The following MSR1 variants were observed in gnomAD, a reference collection of about 807,000 sequenced individuals.
MSR1 encodes the protein macrophage scavenger receptor types I and II.
A neutral mutation model predicts 47.2 loss-of-function variants in MSR1; 53 were observed. The observed-to-expected ratio is 1.12, with a 90% CI of 0.90 to 1.41. The LOEUF is 1.41. Among genes scored for constraint, MSR1 ranks in the 40% most tolerant of loss-of-function variants. The probability of loss-of-function intolerance (pLI) is 0.00; values close to 1 mark genes in which losing one functional copy is unlikely to be tolerated. For missense variants in MSR1, 786 were observed against 546.9 expected (o/e 1.44, Z -4.36); for synonymous variants, 239 against 185.6 (o/e 1.29, Z -2.34).
intron 5 of MSR1, among the ~76,000 whole-genome samples, chr8:16,161,565 A>T (rs1801164592): frequency 6.6e-6 from 1 of 151,998 alleles, no homozygotes; most frequent in South Asian, 2.1e-4. Flanking sequence ...GCAACATCAC[A>T]ATCCAAGAAA....
chr8:16,128,893 ATGTT>A (rs1351739580), intron 8 of MSR1, among the ~76,000 whole-genome samples: 1 of 152,108 alleles, frequency 6.6e-6, no homozygotes, highest in Admixed American at 6.6e-5. Flanking sequence ...TAATAATAAT[ATGTT>A]TGTTAGCTTA....
At chr8:16,111,866 G>A (rs568786936) in intron 9 of MSR1, among the ~76,000 whole-genome samples, 10 of 152,236 alleles carry the variant, frequency 6.6e-5, no homozygotes, top group East Asian at 1.9e-4. Flanking sequence ...GCTCAAAGTC[G>A]CACAGGATTC....
chr8:16,151,370 G>A (rs74352114), intron 6 of MSR1, among the ~76,000 whole-genome samples: 1 of 152,130 alleles, frequency 6.6e-6, no homozygotes, highest in Non-Finnish European at 1.5e-5. Flanking sequence ...TGAAGCATAT[G>A]AGATACTTTC....
At chr8:16,150,202 T>C in intron 7 of MSR1, 29 bp downstream of exon 7, 1 of 1,086,432 alleles carries the variant, frequency 9.2e-7, no homozygotes, top group African/African-American at 1.6e-5. Context: ...CTACATATTC[T>C]ATAAAGAAAA....
chr8:16,139,141 T>A (rs1407819393), intron 8 of MSR1, among the ~76,000 whole-genome samples: 2 of 152,220 alleles, frequency 1.3e-5, no homozygotes, highest in Non-Finnish European at 2.9e-5. Flanking sequence ...CATTGCTCTA[T>A]CTAATATAAA....
chr8:16,164,109 T>G lies in MSR1; in HGVS notation c.773A>C (p.Asp258Ala), dbSNP rs375924187. The change falls in exon 5 of 10, where the codon GAT (aspartate) becomes GCT (alanine). Residue 258 changes from aspartate (D) to alanine (A), a missense_variant. Physicochemically the swap from Asp to Ala is moderately radical, Grantham distance 126. Transcript: ENST00000262101. ...TCTCAAGGTCTGAGAATGTTCCCAA[T>G]CTTTCAGTCTGAGATCATTAGTGAT... ...NNITNDLRLK[D>A]WEHSQTLRNI... 3.1e-6 allele frequency: 5 copies of G among 1,611,090 alleles called. No individual in the cohort carries two copies. The highest frequency in any genetic ancestry group is 4.2e-6 in the Non-Finnish European group (5 of 1,178,188).
intron 6 of MSR1, among the ~76,000 whole-genome samples, chr8:16,153,882 A>C: frequency 6.6e-6 from 1 of 152,128 alleles, no homozygotes; most frequent in Middle Eastern, 3.4e-3. Flanking sequence ...GATTAGCATT[A>C]GTCAAGTAGA....
At chr8:16,111,037 C>G (rs773865456) in intron 9 of MSR1, among the ~76,000 whole-genome samples, 17 of 152,032 alleles carry the variant, frequency 1.1e-4, no homozygotes, top group Non-Finnish European at 1.9e-4. Flanking sequence ...GCCAGGGACA[C>G]TTTTTAGTTC....
At chr8:16,156,569 T>C (rs934407574) in intron 5 of MSR1, among the ~76,000 whole-genome samples, 5 of 151,952 alleles carry the variant, frequency 3.3e-5, no homozygotes, top group South Asian at 4.2e-4. Context: ...ACACATTTAA[T>C]TGTATTTTTA....
At chr8:16,156,350 G>A (rs1385150929) in intron 5 of MSR1, among the ~76,000 whole-genome samples, 2 of 151,708 alleles carry the variant, frequency 1.3e-5, no homozygotes, top group Non-Finnish European at 2.9e-5. Context: ...ATCTAAGAGG[G>A]GGAACCACAT....
chr8:16,127,244 G>C (rs78026117), intron 8 of MSR1, among the ~76,000 whole-genome samples: 1 of 151,992 alleles, frequency 6.6e-6, no homozygotes, highest in Non-Finnish European at 1.5e-5. Flanking sequence ...AAAGCCTCAC[G>C]AGTCATTCTG....
chr8:16,164,705 G>C (rs912578099), intron 4 of MSR1, among the ~76,000 whole-genome samples: 1 of 151,940 alleles, frequency 6.6e-6, no homozygotes, highest in African/African-American at 2.4e-5. Context: ...ATCCTCAGTG[G>C]TGATGATCAT....
At chr8:16,162,473 G>A (rs1272441470) in intron 5 of MSR1, among the ~76,000 whole-genome samples, 12 of 151,974 alleles carry the variant, frequency 7.9e-5, no homozygotes, top group East Asian at 7.7e-4. Context: ...AAATTCATGC[G>A]CAAATTTAAA....
intron 8 of MSR1, chr8:16,139,466 C>T: frequency 1.0e-6 from 1 of 980,834 alleles, no homozygotes; most frequent in Non-Finnish European, 1.2e-6. Flanking sequence ...AGAGGCATAC[C>T]ATCTAGAGTT....
intron 8 of MSR1, among the ~76,000 whole-genome samples, chr8:16,129,266 T>C (rs1283754009): frequency 6.6e-6 from 1 of 152,120 alleles, no homozygotes; most frequent in Non-Finnish European, 1.5e-5. Flanking sequence ...GTCCCTAAAA[T>C]ACCTGAGGGT....
chr8:16,144,326 G>C (rs1451064097), intron 7 of MSR1, among the ~76,000 whole-genome samples: 1 of 152,060 alleles, frequency 6.6e-6, no homozygotes, highest in African/African-American at 2.4e-5. Flanking sequence ...AATCTCTTAA[G>C]ATTGGTGCTG....
chr8:16,187,617 G>C (rs1297071733), intron 1 of MSR1, among the ~76,000 whole-genome samples: 1 of 151,882 alleles, frequency 6.6e-6, no homozygotes, highest in Non-Finnish European at 1.5e-5. Context: ...AGTTCCTGAA[G>C]GTGCTCATTA....
chr8:16,181,420 T>C (rs756464950), intron 1 of MSR1, among the ~76,000 whole-genome samples: 7 of 151,990 alleles, frequency 4.6e-5, no homozygotes, highest in African/African-American at 9.7e-5. Context: ...CAATGATAGA[T>C]TGGATAAAGA....
chr8:16,122,717 C>G (rs1800031856), intron 8 of MSR1, among the ~76,000 whole-genome samples: 1 of 152,078 alleles, frequency 6.6e-6, no homozygotes, highest in Non-Finnish European at 1.5e-5. Flanking sequence ...ATATCAGAAA[C>G]AGATAGTGCT....
Sources: gnomAD v4.1 joint callset for allele counts (sites outside exome capture counted in the v4.1 genomes callset) on GRCh38, gnomAD v4.1.1 for gene constraint, MANE v1.5 for transcripts, NCBI Gene and HGNC (gene_info 2026-07-23, HGNC 2026-07-21) for gene names.